The following PPP6R1 variants were observed in gnomAD, a reference collection of about 807,000 sequenced individuals.
PPP6R1 encodes protein phosphatase 6 regulatory subunit 1, also known as serine/threonine-protein phosphatase 6 regulatory subunit 1.
PPP6R1 carries 39 observed loss-of-function variants against 104.6 expected under a neutral mutation model. That is an observed-to-expected ratio of 0.37 (90% CI 0.29 to 0.49). The LOEUF (loss-of-function observed/expected upper bound fraction) is 0.49. PPP6R1 is among the 20% of genes least tolerant of loss of function. The probability of loss-of-function intolerance (pLI) is 0.98; values close to 1 mark genes in which losing one functional copy is unlikely to be tolerated. For synonymous variants in PPP6R1, 549 were observed against 479.0 expected, an observed-to-expected ratio of 1.15 and a Z score of -1.91; for missense variants, 1,181 against 1,155.8, an observed-to-expected ratio of 1.02 and a Z score of -0.32.
At chr19:55,255,271 C>G (rs960389996) in intron 1 of PPP6R1, among the ~76,000 whole-genome samples, 1 of 152,178 alleles carries the variant, frequency 6.6e-6, no homozygotes, top group Non-Finnish European at 1.5e-5. Context: ...ACATTCAAAT[C>G]GTCTCCTGAA....
chr19:55,234,581 G>C (rs891775889), intron 17 of PPP6R1, among the ~76,000 whole-genome samples: 12 of 152,220 alleles, frequency 7.9e-5, no homozygotes, highest in African/African-American at 2.7e-4. Flanking sequence ...GCTAAGTCAA[G>C]ATGCTGGATT....
At chr19:55,239,792 C>T in intron 13 of PPP6R1, 34 bp downstream of exon 13, 1 of 1,606,190 alleles carries the variant, frequency 6.2e-7, no homozygotes, top group Non-Finnish European at 8.5e-7. Flanking sequence ...AGAGAAGCAG[C>T]AGGAGGAGTG....
intron 5 of PPP6R1, among the ~76,000 whole-genome samples, chr19:55,244,541 T>G (rs1260355465): frequency 6.6e-6 from 1 of 152,116 alleles, no homozygotes; most frequent in African/African-American, 2.4e-5. Flanking sequence ...CAGGGACGGA[T>G]GTGGGGCCAG....
At position 55,236,958 on chromosome 19, in the gene PPP6R1, G is replaced by C. The variant is rs967584890; in HGVS notation, c.1764C>G (p.Asp588Glu). The C allele has an allele frequency of 6.2e-7, 1 of 1,612,436 alleles. No individual in the cohort carries two copies. Among genetic ancestry groups the C allele is most frequent in the Non-Finnish European group, 8.5e-7 (1 of 1,178,448 alleles). ...GGGAGAAGGTGATGTTGGCTGTCTT[G>C]TCAAAAGGTGCGCTAGGAGAGAAGG... is the stretch of plus-strand genomic sequence containing the variant. ...EQEESVNAPF[D>E]KTANITFSLN... Residue 588 changes from aspartate (D) to glutamate (E), a missense_variant, in exon 16 of 24, where the codon GAC (aspartate) becomes GAG (glutamate). By Grantham distance (45) the Asp-to-Glu change is conservative (BLOSUM62 2). Around this residue, in one of 2 missense-constraint regions of PPP6R1, gnomAD observed 1,042 missense variants for 955.6 expected, o/e 1.09. Coordinates refer to ENST00000412770, the MANE Select transcript of PPP6R1 (RefSeq NM_014931.4).
At chr19:55,231,357 G>C in intron 21 of PPP6R1, 53 bp downstream of exon 21, 1 of 1,514,744 alleles carries the variant, frequency 6.6e-7, no homozygotes, top group Non-Finnish European at 9.0e-7. Context: ...CCACCTCAGC[G>C]AAGAGGAGAA....
At chr19:55,254,393 T>C (rs1200439066) in intron 1 of PPP6R1, among the ~76,000 whole-genome samples, 1 of 152,150 alleles carries the variant, frequency 6.6e-6, no homozygotes. Flanking sequence ...GTTTCTGACT[T>C]AGCTGTGGTG....
Position 55,241,197 on chromosome 19 carries a change from C to A in PPP6R1, c.1161+42G>T. ...CGAACCCTCAGCCCAGTCCAGTCCCCGCCCCAGCCCCTGAACCCCCAGCCC... is the reference window on the plus strand; with the variant it reads ...CGAACCCTCAGCCCAGTCCAGTCCCAGCCCCAGCCCCTGAACCCCCAGCCC... On this transcript the variant is annotated intron_variant, in intron 9 of 23. Coordinates refer to ENST00000412770, the MANE Select transcript of PPP6R1 (RefSeq NM_014931.4). This position sits in a 1 kb window ranked among gnomAD's most constrained non-coding sequence, Gnocchi z 5.4. 2 of 1,500,032 alleles carry A rather than the reference C, an allele frequency of 1.3e-6. No homozygotes were observed. The highest frequency in any genetic ancestry group is 1.8e-6 in the Non-Finnish European group (2 of 1,124,698). 92.9% of individuals were successfully genotyped at this position (1,500,032 alleles called of 1,614,324 possible).
In PPP6R1 at chr19:55,258,945, G is replaced by T. The variant is rs1435709744; in HGVS notation, c.-517C>A. 1.3e-5 allele frequency: 2 copies of T among 152,226 alleles called. No homozygotes were observed. The highest frequency in any genetic ancestry group is 2.1e-4 in the South Asian group (1 of 4,830). 9.4% of individuals were successfully genotyped at this position (152,226 alleles called of 1,614,324 possible). A position where few individuals can be genotyped will look rare whatever the true frequency, so the allele number is the denominator to read the frequency against. ...CCTTAACCACCCCTTCCCCAAAGCC[G>T]CTCAATCTCCGGGCTCTGCGGCCGG... On this transcript the variant is annotated 5_prime_UTR_variant, in exon 1 of 24. Coordinates refer to ENST00000412770, the MANE Select transcript of PPP6R1 (RefSeq NM_014931.4).
At chr19:55,255,339 T>C (rs1355514270) in intron 1 of PPP6R1, among the ~76,000 whole-genome samples, 1 of 152,064 alleles carries the variant, frequency 6.6e-6, no homozygotes, top group Non-Finnish European at 1.5e-5. Flanking sequence ...TTGAAATAGC[T>C]CTTTGGAAAA....
Position 55,239,986 on chromosome 19 carries a change from T to C in PPP6R1, c.1477+13A>G. 6.2e-6 allele frequency: 10 copies of C among 1,607,404 alleles called. No individual in the cohort carries two copies. The highest frequency in any genetic ancestry group is 8.5e-6 in the Non-Finnish European group (10 of 1,177,258). ...CCCCCACCTAGCCCTCAGGCCGGCC[T>C]GGGGACCCTCACCCTTCAGCAGCTG... On this transcript the variant is annotated intron_variant, in intron 12 of 23. Transcript: ENST00000412770.
chr19:55,249,472 C>A (rs1171150324), intron 1 of PPP6R1, among the ~76,000 whole-genome samples: 3 of 152,128 alleles, frequency 2.0e-5, no homozygotes, highest in Non-Finnish European at 4.4e-5. Flanking sequence ...AACTCCTAAC[C>A]TCAGGTGATC....
chr19:55,258,589 C>T lies in PPP6R1; in HGVS notation c.-161G>A, dbSNP rs929113809. Reference sequence around the variant, plus strand: ...CGCAGGCGCCGGGGCTCGCGGGGTCCGCGCAGGCGCCCGCGGGTCGTGGGG... The same window carrying T: ...CGCAGGCGCCGGGGCTCGCGGGGTCTGCGCAGGCGCCCGCGGGTCGTGGGG... On this transcript the variant is annotated 5_prime_UTR_variant, in exon 1 of 24. Transcript: ENST00000412770. 1 of 149,488 alleles carries T rather than the reference C, an allele frequency of 6.7e-6. No homozygotes were observed. Among genetic ancestry groups the T allele is most frequent in the Non-Finnish European group, 1.5e-5 (1 of 67,394 alleles). The allele number at this position is 149,488 out of a possible 1,614,324, so 9.3% of individuals were successfully genotyped here.
chr19:55,228,872 G>A, downstream of PPP6R1: 3 of 942,376 alleles, frequency 3.2e-6, no homozygotes, highest in East Asian at 2.7e-5. Flanking sequence ...AGGGCCCAGG[G>A]AGATGTTGTC....
intron 1 of PPP6R1, chr19:55,255,640 C>G (rs1306150711): frequency 6.6e-6 from 1 of 152,332 alleles, no homozygotes; most frequent in Non-Finnish European, 1.5e-5. Context: ...TGGCAAGGCC[C>G]CTCACTCTCA....
At chr19:55,235,476 T>A (rs2087388403) in intron 17 of PPP6R1, among the ~76,000 whole-genome samples, 1 of 151,964 alleles carries the variant, frequency 6.6e-6, no homozygotes. Context: ...GCCACAGAGA[T>A]TATCCCTTTC....
At chr19:55,232,008 TGGAG>T (rs765231893) in intron 18 of PPP6R1, 26 bp from the exon 19 acceptor site, 22 of 1,608,004 alleles carry the variant, frequency 1.4e-5, no homozygotes, top group Middle Eastern at 1.6e-4. Flanking sequence ...GGGAGCGGGA[TGGAG>T]GGTGAACTCA....
intron 17 of PPP6R1, among the ~76,000 whole-genome samples, chr19:55,234,763 G>A (rs574526011): frequency 2.0e-5 from 3 of 152,316 alleles, no homozygotes; most frequent in Admixed American, 6.5e-5. Flanking sequence ...CCCACTGCAC[G>A]AGAGCCAGGG....
rs759852107 is a variant in PPP6R1, at chr19:55,231,515, C to G, written c.2378-24G>C. The G allele has an allele frequency of 8.7e-6, 14 of 1,600,018 alleles. No homozygotes were observed. The South Asian group carries it at 1.6e-4, about 18-fold the overall frequency. On this transcript the variant is annotated intron_variant, in intron 20 of 23. Coordinates refer to ENST00000412770, the MANE Select transcript of PPP6R1 (RefSeq NM_014931.4). ...GGCTGTGGGGGATAAGAGATCTCAG[C>G]TGCAGCTCCCAGCAAGCTCGGAGCT...
rs765249745 is a variant in PPP6R1, at chr19:55,236,919, A to T, written c.1803T>A (p.Asp601Glu). The change falls in exon 16 of 24, where the codon GAT becomes GAA. Residue 601 changes from aspartate to glutamate, a missense_variant. This residue lies in a region of PPP6R1 where 1,042 missense variants were observed against 955.6 expected (regional missense o/e 1.09). Transcript: ENST00000412770. The stretch of plus-strand genomic sequence containing the variant: ...GGGACAGGGCAGTACTCACGTTCTC[A>T]TCGTCAGCATTGAGGGAGAAGGTGA... ...ANITFSLNAD[D>E]ENPNANLLEI... is the part of the protein sequence containing the mutation. 1 of 1,612,700 alleles carries T rather than the reference A, an allele frequency of 6.2e-7. No homozygotes were observed. The highest frequency in any genetic ancestry group is 1.1e-5 in the South Asian group (1 of 91,048).
Sources: gnomAD v4.1 joint callset for allele counts (sites outside exome capture counted in the v4.1 genomes callset) on GRCh38, gnomAD v4.1.1 for gene constraint, gnomAD v4.1.1 regional missense constraint, Gnocchi (gnomAD v3.1) non-coding constraint, MANE v1.5 for transcripts, NCBI Gene and HGNC (gene_info 2026-07-23, HGNC 2026-07-21) for gene names.